ADCY8: variants seen among roughly 807,000 people sequenced by gnomAD.
The protein encoded by ADCY8 is adenylate cyclase 8.
ADCY8 carries 51 observed loss-of-function variants against 119.7 expected under a neutral mutation model. That is an observed-to-expected ratio of 0.43 (90% confidence interval 0.34 to 0.54). The LOEUF (loss-of-function observed/expected upper bound fraction) is 0.54, where lower values mean the gene tolerates loss of function less well. Ranked by LOEUF, ADCY8 falls within the 20% of genes least tolerant of loss-of-function variation. The pLI, the probability that ADCY8 is intolerant of heterozygous loss-of-function variation, is 0.03. For synonymous variants in ADCY8, 665 were observed against 651.0 expected (o/e 1.02, Z -0.33); for missense variants, 1,383 against 1,598.8 (o/e 0.87, Z 2.30).
At chr8:130,785,322 G>A (rs12546275) in intron 16 of ADCY8, 61 bp downstream of exon 16, 146,631 of 1,184,794 alleles carry the variant, frequency 0.12, 9,890 homozygotes, top group Admixed American at 0.17. Context: ...CACCACCGTC[G>A]GTGACATGAC....
At chr8:130,845,372 ATTGT>A (rs1817264750) in intron 11 of ADCY8, among the ~76,000 whole-genome samples, 1 of 152,170 alleles carries the variant, frequency 6.6e-6, no homozygotes. Context: ...ATGAGAACAC[ATTGT>A]TTAACTCCAC....
chr8:130,867,957 A>G lies in ADCY8; in HGVS notation c.2110-11T>C, dbSNP rs16904379. On this transcript the variant is annotated splice_polypyrimidine_tract_variant and intron_variant, in intron 8 of 17. Coordinates refer to ENST00000286355, the MANE Select transcript of ADCY8 (RefSeq NM_001115.3). ...CCTCATTTGAGAATACTGTAATTAA[A>G]AAAAGAGAGAATGAGTTACTTTGCA... The G allele has an allele frequency of 3.4e-3, 5,308 of 1,581,098 alleles. 177 individuals are homozygous for G. The African/African-American group carries it at 0.062, about 18-fold the overall frequency.
chr8:131,017,596 C>A (rs949008682), intron 1 of ADCY8, among the ~76,000 whole-genome samples: 2 of 152,188 alleles, frequency 1.3e-5, no homozygotes, highest in African/African-American at 4.8e-5. Flanking sequence ...AAAAGCCCCC[C>A]ATCTACTCCC....
In ADCY8 at chr8:131,021,380, T is replaced by C. The variant is rs145968721; in HGVS notation, c.960+17994A>G. Among the ~76,000 whole-genome samples the C allele has an allele frequency of 4.5e-3, 689 of 152,182 alleles. 4 individuals carry two copies. Among genetic ancestry groups the C allele is most frequent in the African/African-American group, 0.016 (649 of 41,516 alleles). On this transcript the variant is annotated intron_variant, in intron 1 of 17. Transcript: ENST00000286355. ...GACATCTGTCTACCAGGTAGAAAGA[T>C]GGCTAAAGGATGTAGGGTGGGTGAA... is the stretch of plus-strand genomic sequence containing the variant.
intron 16 of ADCY8, 74 bp from the exon 17 acceptor site, chr8:130,783,879 CT>C: frequency 8.3e-7 from 1 of 1,206,848 alleles, no homozygotes; most frequent in Non-Finnish European, 1.2e-6. Context: ...GCAGCAGGGG[CT>C]TTACGTCCTA....
At chr8:130,849,825 TG>T in intron 9 of ADCY8, 22 bp from the exon 10 acceptor site, 1 of 1,601,144 alleles carries the variant, frequency 6.2e-7, no homozygotes. Flanking sequence ...CACAGAATGT[TG>T]GGTCATTGGC....
At chr8:130,837,185 A>G (rs993710950) in intron 11 of ADCY8, among the ~76,000 whole-genome samples, 5 of 152,116 alleles carry the variant, frequency 3.3e-5, no homozygotes, top group East Asian at 1.9e-4. Flanking sequence ...TCTCTACTCC[A>G]TATTTCTAAA....
intron 9 of ADCY8, among the ~76,000 whole-genome samples, chr8:130,865,542 T>C (rs1292352544): frequency 6.6e-6 from 1 of 152,168 alleles, no homozygotes; most frequent in Non-Finnish European, 1.5e-5. Flanking sequence ...ATTCTACTTG[T>C]TATTCTCTTA....
chr8:131,039,445 G>C lies in ADCY8; in HGVS notation c.889C>G (p.Leu297Val), dbSNP rs1824278933. ...LPLTWAILAG[L>V]GTSLLQVILQ... is the part of the protein sequence containing the mutation. ...ATGACCTGCAGCAGCGAGGTGCCCA[G>C]GCCGGCCAGGATGGCCCAGGTGAGC... Residue 297 changes from leucine to valine, a missense_variant, in exon 1 of 18, where the codon CTG becomes GTG. Coordinates refer to ENST00000286355, the MANE Select transcript of ADCY8 (RefSeq NM_001115.3). 6.2e-7 allele frequency: 1 copy of C among 1,614,110 alleles called. No homozygotes were observed. The highest frequency in any genetic ancestry group is 8.5e-7 in the Non-Finnish European group (1 of 1,180,058).
chr8:131,034,383 C>T (rs72716432), intron 1 of ADCY8, among the ~76,000 whole-genome samples: 1 of 151,914 alleles, frequency 6.6e-6, no homozygotes, highest in Non-Finnish European at 1.5e-5. Flanking sequence ...GTATTTAAGT[C>T]ACATAGAAAG....
chr8:130,962,927 C>T (rs1821648726), intron 2 of ADCY8, among the ~76,000 whole-genome samples: 2 of 152,208 alleles, frequency 1.3e-5, no homozygotes, highest in Admixed American at 1.3e-4. Context: ...TTACGTAGCA[C>T]ACCAAGTGCT....
chr8:131,007,865 A>G (rs561524179), intron 1 of ADCY8, among the ~76,000 whole-genome samples: 1 of 151,424 alleles, frequency 6.6e-6, no homozygotes, highest in Non-Finnish European at 1.5e-5. Context: ...CACTTACTGC[A>G]TAGAGGAATG....
At chr8:130,890,242 C>T (rs1048211375) in intron 7 of ADCY8, among the ~76,000 whole-genome samples, 2 of 151,776 alleles carry the variant, frequency 1.3e-5, no homozygotes, top group African/African-American at 2.4e-5. Flanking sequence ...TGGAGATATA[C>T]CTAATGTAAA....
Position 130,867,782 on chromosome 8 carries a change from C to G in ADCY8, c.2210+64G>C, listed in dbSNP as rs941725548. 9 of 1,186,410 alleles carry G rather than the reference C, an allele frequency of 7.6e-6. No homozygotes were observed. In the African/African-American group the frequency reaches 7.7e-5, roughly 10 times the overall value. The allele number at this position is 1,186,410 out of a possible 1,614,324, so 73.5% of individuals were successfully genotyped here. A position where few individuals can be genotyped will look rare whatever the true frequency, so the allele number is the denominator to read the frequency against. On this transcript the variant is annotated intron_variant, in intron 9 of 17. Coordinates refer to ENST00000286355, the MANE Select transcript of ADCY8 (RefSeq NM_001115.3). ...TCTGATTCTTTGAAAAGTCAGCTGGCTGACTCCACATGAGGAATCTCACAA... is the reference window on the plus strand; with the variant it reads ...TCTGATTCTTTGAAAAGTCAGCTGGGTGACTCCACATGAGGAATCTCACAA...
intron 9 of ADCY8, among the ~76,000 whole-genome samples, chr8:130,854,834 C>T (rs1817662382): frequency 1.9e-5 from 1 of 53,036 alleles, no homozygotes; most frequent in African/African-American, 8.5e-5. Flanking sequence ...TCCCTCCCTC[C>T]CTCCCTTCCT....
intron 5 of ADCY8, among the ~76,000 whole-genome samples, chr8:130,911,980 T>C (rs1028173362): frequency 6.6e-6 from 1 of 152,202 alleles, no homozygotes; most frequent in Non-Finnish European, 1.5e-5. Context: ...ACTCCAGCCA[T>C]CCAAACAACA....
At chr8:130,798,857 T>C (rs908161221) in intron 15 of ADCY8, among the ~76,000 whole-genome samples, 1 of 151,884 alleles carries the variant, frequency 6.6e-6, no homozygotes, top group African/African-American at 2.4e-5. Flanking sequence ...TAAACTTCCA[T>C]TGAGAAATGA....
intron 14 of ADCY8, among the ~76,000 whole-genome samples, chr8:130,810,589 AAG>A (rs1563674085): frequency 6.6e-6 from 1 of 152,220 alleles, no homozygotes; most frequent in African/African-American, 2.4e-5. Context: ...AATAGAATGA[AAG>A]ATAATTTTCT....
At chr8:130,869,029 G>T (rs2954689) in intron 8 of ADCY8, among the ~76,000 whole-genome samples, 120,459 of 152,170 alleles carry the variant, frequency 0.79, 48,434 homozygotes, top group African/African-American at 0.94. Flanking sequence ...GACTTCTTGG[G>T]GTGGTCTGGG....
Sources: allele counts gnomAD v4.1 joint callset (sites outside exome capture counted in the v4.1 genomes callset), GRCh38; gene constraint gnomAD v4.1.1; transcripts MANE v1.5; gene names NCBI Gene and HGNC (gene_info 2026-07-23, HGNC 2026-07-21).